The following VKORC1L1 variants were observed in gnomAD, a reference collection of about 807,000 sequenced individuals.
The protein encoded by VKORC1L1 is vitamin K epoxide reductase complex subunit 1-like protein 1.
A neutral mutation model predicts 18.9 loss-of-function variants in VKORC1L1; 2 were observed. The ratio of observed to expected loss-of-function variants is 0.11; its 90% confidence interval spans 0.04 to 0.33. VKORC1L1 has a LOEUF of 0.33. Ranked by LOEUF, VKORC1L1 falls within the 10% of genes least tolerant of loss-of-function variation. The pLI, the probability that VKORC1L1 is intolerant of heterozygous loss-of-function variation, is 1.00. For missense variants in VKORC1L1, 123 were observed against 224.1 expected, an observed-to-expected ratio of 0.55 and a Z score of 2.88; for synonymous variants, 96 against 100.0, an observed-to-expected ratio of 0.96 and a Z score of 0.24.
intron 1 of VKORC1L1, among the ~76,000 whole-genome samples, chr7:65,903,086 G>A (rs1353603439): frequency 6.6e-6 from 1 of 151,526 alleles, no homozygotes; most frequent in African/African-American, 2.4e-5. Context: ...GGCTGATCTC[G>A]AACTCCCGAC....
intron 1 of VKORC1L1, among the ~76,000 whole-genome samples, chr7:65,935,514 T>C (rs1789928497): frequency 6.6e-6 from 1 of 152,142 alleles, no homozygotes; most frequent in African/African-American, 2.4e-5. Flanking sequence ...TTCACCATGT[T>C]GGCCAGGATG....
chr7:65,867,462 T>C, the VKORC1L1 span, among the ~76,000 whole-genome samples: 1 of 152,158 alleles, frequency 6.6e-6, no homozygotes, highest in East Asian at 1.9e-4. Context: ...CATCTTTTTT[T>C]TTTCATGGTT....
intron 1 of VKORC1L1, among the ~76,000 whole-genome samples, chr7:65,935,831 T>A (rs1349091023): frequency 6.6e-6 from 1 of 152,196 alleles, no homozygotes; most frequent in Non-Finnish European, 1.5e-5. Context: ...TTTGGGAAGT[T>A]ATTAGCTACT....
chr7:65,870,281 A>G (rs902530607), upstream of VKORC1L1, among the ~76,000 whole-genome samples: 1 of 151,124 alleles, frequency 6.6e-6, no homozygotes, highest in African/African-American at 2.4e-5. Context: ...AAAAAAAAAA[A>G]AAGCCAGGCG....
At chr7:65,886,818 T>A (rs1789020304) in intron 1 of VKORC1L1, among the ~76,000 whole-genome samples, 1 of 141,592 alleles carries the variant, frequency 7.1e-6, no homozygotes, top group Admixed American at 7.5e-5. Context: ...ATTACAGGCG[T>A]GAGCCACTGC....
intron 1 of VKORC1L1, among the ~76,000 whole-genome samples, chr7:65,942,506 A>T (rs924656612): frequency 1.3e-5 from 2 of 151,690 alleles, no homozygotes; most frequent in Non-Finnish European, 2.9e-5. Context: ...AAAAAAAAAA[A>T]AAAAGACTTG....
chr7:65,904,019 G>C (rs1236275294), intron 1 of VKORC1L1, among the ~76,000 whole-genome samples: 1 of 152,032 alleles, frequency 6.6e-6, no homozygotes, highest in Non-Finnish European at 1.5e-5. Flanking sequence ...CTTTTTGCAC[G>C]ATGGAAATGT....
intron 1 of VKORC1L1, among the ~76,000 whole-genome samples, chr7:65,892,961 G>T (rs1299206212): frequency 1.3e-5 from 2 of 152,168 alleles, no homozygotes; most frequent in African/African-American, 4.8e-5. Flanking sequence ...ACACTTGGTT[G>T]TTTTTTGCCT....
At chr7:65,916,203 G>C (rs1789587014) in intron 1 of VKORC1L1, among the ~76,000 whole-genome samples, 1 of 151,202 alleles carries the variant, frequency 6.6e-6, no homozygotes. Context: ...GGCAGGTTAT[G>C]TGCCTGGTTT....
chr7:65,884,519 C>T (rs1229853911), intron 1 of VKORC1L1, among the ~76,000 whole-genome samples: 2 of 152,118 alleles, frequency 1.3e-5, no homozygotes, highest in African/African-American at 4.8e-5. Context: ...CACTGATGGT[C>T]CCAGCTACTT....
intron 1 of VKORC1L1, among the ~76,000 whole-genome samples, chr7:65,901,090 G>C (rs963846367): frequency 1.3e-5 from 2 of 152,178 alleles, no homozygotes; most frequent in Admixed American, 1.3e-4. Flanking sequence ...AAAGAGATAG[G>C]AGAATTAAGA....
intron 1 of VKORC1L1, among the ~76,000 whole-genome samples, chr7:65,946,643 A>C (rs914332830): frequency 6.6e-6 from 1 of 152,120 alleles, no homozygotes; most frequent in Non-Finnish European, 1.5e-5. Flanking sequence ...TGCTGCAGGT[A>C]ATCTGGCATT....
rs576604762 is a variant in VKORC1L1 at position 65,903,454 on chromosome 7, T to C, written c.194+29889T>C. Among the ~76,000 whole-genome samples, 3 of 152,222 alleles carry C rather than the reference T, an allele frequency of 2.0e-5. No individual in the cohort carries two copies. In the East Asian group the frequency reaches 5.8e-4, roughly 29 times the overall value. On this transcript the variant is annotated intron_variant, in intron 1 of 2. Transcript: ENST00000360768. ...TGCTGGGATTACAGGTATGAGCCAC[T>C]GTGCCCAGCCTGGAGAGACACCTTT... is the stretch of plus-strand genomic sequence containing the variant.
chr7:65,888,204 C>G (rs1789047263), intron 1 of VKORC1L1, among the ~76,000 whole-genome samples: 1 of 152,116 alleles, frequency 6.6e-6, no homozygotes, highest in Non-Finnish European at 1.5e-5. Context: ...TGTCTGCAAT[C>G]TATAGTCACT....
intron 1 of VKORC1L1, among the ~76,000 whole-genome samples, chr7:65,884,644 A>G (rs1174485427): frequency 1.3e-5 from 2 of 152,150 alleles, no homozygotes; most frequent in Non-Finnish European, 2.9e-5. Context: ...CAAAAAAAAG[A>G]AAATATTACC....
intron 2 of VKORC1L1, among the ~76,000 whole-genome samples, chr7:65,949,351 T>C (rs1790175259): frequency 6.6e-6 from 1 of 151,940 alleles, no homozygotes; most frequent in African/African-American, 2.4e-5. Flanking sequence ...AGGTGGTGCA[T>C]GCCTGTAATC....
At chr7:65,951,815 A>G (rs181573343) in intron 2 of VKORC1L1, among the ~76,000 whole-genome samples, 44 of 152,248 alleles carry the variant, frequency 2.9e-4, no homozygotes, top group African/African-American at 1.0e-3. Flanking sequence ...TTTTTGCCTG[A>G]TGAATATATC....
chr7:65,927,910 C>T (rs1231466288), intron 1 of VKORC1L1, among the ~76,000 whole-genome samples: 1 of 152,016 alleles, frequency 6.6e-6, no homozygotes, highest in Non-Finnish European at 1.5e-5. Context: ...TAAGGGGGCC[C>T]CAACTGATAG....
chr7:65,939,683 A>G (rs1381762298), intron 1 of VKORC1L1, among the ~76,000 whole-genome samples: 1 of 152,178 alleles, frequency 6.6e-6, no homozygotes, highest in Non-Finnish European at 1.5e-5. Flanking sequence ...TGCCGGAAAC[A>G]AGGCTTAGCA....
Sources: allele counts gnomAD v4.1 joint callset (sites outside exome capture counted in the v4.1 genomes callset), GRCh38; gene constraint gnomAD v4.1.1; transcripts MANE v1.5; gene names NCBI Gene and HGNC (gene_info 2026-07-23, HGNC 2026-07-21).